PHACTR4: variants seen among roughly 807,000 people sequenced by gnomAD.
The protein encoded by PHACTR4 is phosphatase and actin regulator 4, also known as protein phosphatase 1, regulatory subunit 124.
PHACTR4 carries 51 observed loss-of-function variants against 72.7 expected under a neutral mutation model. The ratio of observed to expected loss-of-function variants is 0.70; its 90% CI spans 0.56 to 0.89. PHACTR4 has a LOEUF of 0.89. Among genes scored for constraint, PHACTR4 ranks in the 40% least tolerant of loss-of-function variants. The pLI, the probability that PHACTR4 is intolerant of heterozygous loss-of-function variation, is 0.00. For missense variants in PHACTR4, 731 were observed against 861.8 expected (o/e 0.85, Z 1.90); for synonymous variants, 255 against 302.5 (o/e 0.84, Z 1.63).
chr1:28,384,806 C>T (rs567617862), intron 1 of PHACTR4, among the ~76,000 whole-genome samples: 10 of 152,254 alleles, frequency 6.6e-5, no homozygotes, highest in African/African-American at 2.2e-4. Context: ...GCATGAGAAT[C>T]GCCTCAACCT....
intron 1 of PHACTR4, among the ~76,000 whole-genome samples, chr1:28,371,219 C>G: frequency 6.6e-6 from 1 of 152,182 alleles, no homozygotes; most frequent in East Asian, 1.9e-4. Context: ...CTTAAGCCAT[C>G]CTTCCACCAG....
intron 1 of PHACTR4, among the ~76,000 whole-genome samples, chr1:28,399,720 A>C (rs1653803733): frequency 1.3e-5 from 2 of 152,230 alleles, no homozygotes; most frequent in African/African-American, 4.8e-5. Context: ...AACTTAGGTA[A>C]GCATATCTAT....
intron 1 of PHACTR4, among the ~76,000 whole-genome samples, chr1:28,390,725 G>A (rs908983589): frequency 4.6e-5 from 7 of 151,998 alleles, no homozygotes; most frequent in Non-Finnish European, 7.4e-5. Context: ...CCCCAGGGGT[G>A]GAGGTTGCAG....
intron 1 of PHACTR4, among the ~76,000 whole-genome samples, chr1:28,374,526 T>C (rs903729548): frequency 6.6e-6 from 1 of 152,014 alleles, no homozygotes; most frequent in Non-Finnish European, 1.5e-5. Flanking sequence ...GTCAATACAA[T>C]TATGTAGTCT....
chr1:28,436,296 C>T (rs1656631917), intron 2 of PHACTR4, among the ~76,000 whole-genome samples: 1 of 151,636 alleles, frequency 6.6e-6, no homozygotes, highest in Non-Finnish European at 1.5e-5. Flanking sequence ...AGAGACAGGG[C>T]TCACTGTGTT....
chr1:28,372,689 T>C (rs1651335156), intron 1 of PHACTR4, among the ~76,000 whole-genome samples: 1 of 151,736 alleles, frequency 6.6e-6, no homozygotes, highest in African/African-American at 2.4e-5. Context: ...CCATCTCTAC[T>C]AAAAATATAA....
chr1:28,444,543 A>G (rs957385924), intron 2 of PHACTR4, among the ~76,000 whole-genome samples: 5 of 150,508 alleles, frequency 3.3e-5, no homozygotes, highest in African/African-American at 1.2e-4. Flanking sequence ...GGGCATTTTT[A>G]TGTCTTCTTT....
chr1:28,496,300 C>T (rs1661356827), intron 13 of PHACTR4, among the ~76,000 whole-genome samples: 1 of 151,936 alleles, frequency 6.6e-6, no homozygotes, highest in Non-Finnish European at 1.5e-5. Context: ...TCTTGATCCG[C>T]CCGCCTCGGC....
At chr1:28,448,955 G>GC (rs1657730905) in intron 2 of PHACTR4, among the ~76,000 whole-genome samples, 1 of 151,302 alleles carries the variant, frequency 6.6e-6, no homozygotes, top group South Asian at 2.1e-4. Context: ...TTCGAGACCA[G>GC]CCTGGGCAAC....
At chr1:28,479,293 G>A (rs77563850) in intron 8 of PHACTR4, among the ~76,000 whole-genome samples, 3 of 151,884 alleles carry the variant, frequency 2.0e-5, no homozygotes, top group Non-Finnish European at 4.4e-5. Context: ...GGTAGCAGGC[G>A]CCTGTAATCC....
chr1:28,380,608 T>G (rs1652092273), intron 1 of PHACTR4, among the ~76,000 whole-genome samples: 1 of 152,188 alleles, frequency 6.6e-6, no homozygotes, highest in South Asian at 2.1e-4. Context: ...GTTTTTCTGT[T>G]TCTGCATTAG....
intron 6 of PHACTR4, among the ~76,000 whole-genome samples, chr1:28,471,372 G>A (rs1180493765): frequency 6.6e-6 from 1 of 152,096 alleles, no homozygotes; most frequent in Non-Finnish European, 1.5e-5. Flanking sequence ...TAATTAGCTA[G>A]CCTTTTACTT....
chr1:28,442,784 G>A (rs1657135800), intron 2 of PHACTR4, among the ~76,000 whole-genome samples: 2 of 151,604 alleles, frequency 1.3e-5, no homozygotes, highest in African/African-American at 4.8e-5. Flanking sequence ...GGGATTACAA[G>A]TGTGAGCCAC....
intron 1 of PHACTR4, among the ~76,000 whole-genome samples, chr1:28,406,191 A>AGG (rs1654312496): frequency 6.6e-6 from 1 of 152,136 alleles, no homozygotes. Flanking sequence ...AAAACTTTAC[A>AGG]TTTCCAGTAC....
intron 2 of PHACTR4, among the ~76,000 whole-genome samples, chr1:28,418,321 T>A (rs67719611): frequency 0.26 from 38,083 of 143,718 alleles, 4,924 homozygotes; most frequent in Middle Eastern, 0.34. Flanking sequence ...AAAAAAAAAA[T>A]AATAATAATA....
At chr1:28,408,669 TA>T (rs562607390) in intron 2 of PHACTR4, among the ~76,000 whole-genome samples, 102 of 138,578 alleles carry the variant, frequency 7.4e-4, no homozygotes, top group Non-Finnish European at 7.5e-4. Flanking sequence ...TATATATATA[TA>T]TTTTTTTTTA....
chr1:28,492,876 T>C (rs1189498863), intron 12 of PHACTR4, 139 bp from the exon 13 acceptor site: 2 of 612,998 alleles, frequency 3.3e-6, no homozygotes, highest in African/African-American at 3.7e-5. Context: ...TGGGTATCAT[T>C]GTGTTGACCT....
chr1:28,384,999 A>C (rs1652451279), intron 1 of PHACTR4, among the ~76,000 whole-genome samples: 1 of 152,158 alleles, frequency 6.6e-6, no homozygotes, highest in Non-Finnish European at 1.5e-5. Context: ...CCTTCAGTTC[A>C]GCTCTGATAC....
At chr1:28,396,347 C>T (rs1421853991) in intron 1 of PHACTR4, among the ~76,000 whole-genome samples, 1 of 151,618 alleles carries the variant, frequency 6.6e-6, no homozygotes, top group Non-Finnish European at 1.5e-5. Flanking sequence ...GCCTGGCCAA[C>T]ATGGTGAAAT....
Sources: allele counts gnomAD v4.1 joint callset (sites outside exome capture counted in the v4.1 genomes callset), GRCh38; gene constraint gnomAD v4.1.1; transcripts MANE v1.5; gene names NCBI Gene and HGNC (gene_info 2026-07-23, HGNC 2026-07-21).